Variants in ASXL1 observed in about 807,000 individuals in gnomAD.
The protein encoded by ASXL1 is ASXL transcriptional regulator 1, also known as polycomb group protein ASXL1.
In ASXL1, 65 loss-of-function variants were observed where a neutral mutation model predicts 89.1. That is an observed-to-expected ratio of 0.73 (90% confidence interval 0.60 to 0.90). ASXL1 has a LOEUF of 0.90. Ranked by LOEUF, ASXL1 falls within the 40% of genes least tolerant of loss-of-function variation. The pLI is 0.00. For missense variants in ASXL1, 1,786 were observed against 1,942.9 expected (o/e 0.92, Z 1.52); for synonymous variants, 739 against 746.9 (o/e 0.99, Z 0.17).
At chr20:32,365,737 T>G (rs1049499813) in intron 1 of ASXL1, among the ~76,000 whole-genome samples, 2 of 152,222 alleles carry the variant, frequency 1.3e-5, no homozygotes, top group African/African-American at 2.4e-5. Flanking sequence ...ATATTCTGTT[T>G]CTCATTGCAC....
intron 4 of ASXL1, among the ~76,000 whole-genome samples, chr20:32,402,561 T>C (rs2123061914): frequency 6.6e-6 from 1 of 152,376 alleles, no homozygotes; most frequent in Middle Eastern, 3.4e-3. Context: ...GGTGGTAGTT[T>C]TTCATTCCCA....
chr20:32,426,378 A>ATTTTATCTTAG (rs2011286844), intron 4 of ASXL1, among the ~76,000 whole-genome samples: 1 of 151,966 alleles, frequency 6.6e-6, no homozygotes, highest in African/African-American at 2.4e-5. Flanking sequence ...ATTAAGGAGT[A>ATTTTATCTTAG]TTTTATCTTA....
rs1600584825 is a variant in ASXL1, at chr20:32,434,182, T to C, written c.1720-250T>C. The C allele has an allele frequency of 1.3e-5, 9 of 697,764 alleles. No individual in the cohort carries two copies. The East Asian group carries it at 2.5e-4, about 19-fold the overall frequency. 43.2% of individuals were successfully genotyped at this position (697,764 alleles called of 1,614,324 possible). Reference sequence around the variant, plus strand: ...CTTTTTAAGATAGCATTAGATTCTTTGCTATAGTGACTCACACAGTCCCAC... The same window carrying C: ...CTTTTTAAGATAGCATTAGATTCTTCGCTATAGTGACTCACACAGTCCCAC... On this transcript the variant is annotated intron_variant, in intron 12 of 12. Coordinates refer to ENST00000375687, the MANE Select transcript of ASXL1 (RefSeq NM_015338.6).
At chr20:32,375,185 G>T (rs1355941528) in intron 4 of ASXL1, among the ~76,000 whole-genome samples, 3 of 152,084 alleles carry the variant, frequency 2.0e-5, no homozygotes, top group African/African-American at 7.2e-5. Flanking sequence ...CAAAGACATA[G>T]CCCGGCGCAG....
In ASXL1 at chr20:32,431,366, C is replaced by T; in HGVS notation, c.764C>T (p.Pro255Leu). 1 of 1,614,126 alleles carries T rather than the reference C, an allele frequency of 6.2e-7. No individual in the cohort carries two copies. Among genetic ancestry groups the T allele is most frequent in the Non-Finnish European group, 8.5e-7 (1 of 1,180,028 alleles). The part of the protein sequence containing the change: ...NRGEEIDFET[P>L]GSILVNTNLR... ...GGGGAAGAAATAGATTTTGAGACAC[C>T]TGGGTCCATTCTTGTCAACACCAAC... Residue 255 changes from proline (P) to leucine (L), a missense_variant, in exon 9 of 13, where the codon CCT (proline) becomes CTT (leucine). Transcript: ENST00000375687.
Position 32,395,154 on chromosome 20 carries a change from T to C in ASXL1, c.252+26031T>C, listed in dbSNP as rs2048740505. Among the ~76,000 whole-genome samples, 5 of 152,270 alleles carry C rather than the reference T, an allele frequency of 3.3e-5. No homozygotes were observed. The South Asian group carries it at 1.0e-3, about 32-fold the overall frequency. ...TTTTTCTCGTCAGTTCAGATTTTCT[T>C]TCTGCCAGAGGACTTCCTTTAATGT... On this transcript the variant is annotated intron_variant, in intron 4 of 12. Coordinates refer to ENST00000375687, the MANE Select transcript of ASXL1 (RefSeq NM_015338.6).
At chr20:32,424,620 C>G (rs1359963655) in intron 4 of ASXL1, among the ~76,000 whole-genome samples, 1 of 152,178 alleles carries the variant, frequency 6.6e-6, no homozygotes, top group Non-Finnish European at 1.5e-5. Flanking sequence ...TCTATGCAAA[C>G]ACATTCAAAT....
chr20:32,436,389 T>A lies in ASXL1; in HGVS notation c.3677T>A (p.Leu1226Gln), dbSNP rs564721149. The A allele has an allele frequency of 1.7e-4, 278 of 1,613,618 alleles. No individual in the cohort carries two copies. Among genetic ancestry groups the A allele is most frequent in the Non-Finnish European group, 2.3e-4 (271 of 1,180,042 alleles). ...AATCCCATTACATCCTCTAGGAAAC[T>A]GGAAGAAATGGATTCCAAAGAGCAG... The part of the protein sequence containing the change: ...VTNPITSSRK[L>Q]EEMDSKEQFS... The change falls in exon 13 of 13, where the codon CTG becomes CAG. Residue 1226 changes from leucine (L) to glutamine (Q), a missense_variant. Physicochemically the swap from Leu to Gln is moderately radical, Grantham distance 113. Around this residue, in one of 3 missense-constraint regions of ASXL1, gnomAD observed 1,418 missense variants for 1,427.8 expected, o/e 0.99. Transcript: ENST00000375687.
chr20:32,369,209 C>T, intron 4 of ASXL1, 86 bp downstream of exon 4: 1 of 1,284,828 alleles, frequency 7.8e-7, no homozygotes, highest in Non-Finnish European at 1.1e-6. Flanking sequence ...GGAATAGGGG[C>T]CATGAATTTG....
intron 4 of ASXL1, among the ~76,000 whole-genome samples, chr20:32,391,552 A>G (rs897237876): frequency 6.6e-6 from 1 of 152,140 alleles, no homozygotes; most frequent in African/African-American, 2.4e-5. Flanking sequence ...TGGCAAGATT[A>G]TATTATAGCT....
chr20:32,366,649 C>T (rs2048209525), intron 2 of ASXL1, 183 bp downstream of exon 2: 1 of 848,700 alleles, frequency 1.2e-6, no homozygotes, highest in Non-Finnish European at 1.4e-6. Flanking sequence ...GGGTGAACAT[C>T]CATTTGTTTT....
Position 32,437,360 on chromosome 20 carries a change from A to T in ASXL1, c.*22A>T. The T allele has an allele frequency of 1.9e-6, 3 of 1,608,648 alleles. No individual in the cohort carries two copies. The highest frequency in any genetic ancestry group is 2.6e-6 in the Non-Finnish European group (3 of 1,175,332). Reference sequence around the variant, plus strand: ...ATAATAAATTATGGCCATGGGAAACATTGTATATTTAGTGTGTGTATTTTG... The same window carrying T: ...ATAATAAATTATGGCCATGGGAAACTTTGTATATTTAGTGTGTGTATTTTG... On this transcript the variant is annotated 3_prime_UTR_variant, in exon 13 of 13. Coordinates refer to ENST00000375687, the MANE Select transcript of ASXL1 (RefSeq NM_015338.6).
chr20:32,367,575 G>C (rs574017481), intron 2 of ASXL1, 152 bp from the exon 3 acceptor site: 1 of 668,864 alleles, frequency 1.5e-6, no homozygotes, highest in African/African-American at 1.8e-5. Context: ...TTGATGTTTT[G>C]TGGGGAGGGA....
intron 4 of ASXL1, among the ~76,000 whole-genome samples, chr20:32,393,922 C>T (rs2048716155): frequency 6.6e-6 from 1 of 151,680 alleles, no homozygotes; most frequent in Non-Finnish European, 1.5e-5. Flanking sequence ...CCTTTGCCTC[C>T]TGGGTTCAAG....
chr20:32,358,794 A>G lies in ASXL1; in HGVS notation c.19A>G (p.Lys7Glu). 1 of 1,482,682 alleles carries G rather than the reference A, an allele frequency of 6.7e-7. No homozygotes were observed. Among genetic ancestry groups the G allele is most frequent in the Non-Finnish European group, 9.0e-7 (1 of 1,111,372 alleles). 91.8% of individuals were successfully genotyped at this position (1,482,682 alleles called of 1,614,324 possible). ...GAGAAGGATGAAGGACAAACAGAAG[A>G]AGAAGAAGGAGCGCACGTGGGCCGA... MKDKQKKKKERTWAEAA... is the reference protein window; with the variant it reads MKDKQKEKKERTWAEAA... Residue 7 changes from lysine to glutamate, a missense_variant, in exon 1 of 13, where the codon AAG becomes GAG. Physicochemically the swap from Lys to Glu is moderately conservative, Grantham distance 56. Transcript: ENST00000375687.
chr20:32,376,436 G>A (rs138781996), intron 4 of ASXL1, among the ~76,000 whole-genome samples: 2,183 of 150,994 alleles, frequency 0.014, 19 homozygotes, highest in Non-Finnish European at 0.022. Flanking sequence ...CACCACACCC[G>A]ACTAATTTTT....
At position 32,434,723 on chromosome 20, in the gene ASXL1, GCCTGTGGCCAC is replaced by G; in HGVS notation, c.2016_2026del (p.Cys672Ter). 1 of 1,611,540 alleles carries G rather than the reference GCCTGTGGCCAC, an allele frequency of 6.2e-7. No individual in the cohort carries two copies. The highest frequency in any genetic ancestry group is 8.5e-7 in the Non-Finnish European group (1 of 1,179,280). The stretch of plus-strand genomic sequence containing the variant: ...CAGCAGCAGTGGTGATGGTGGTGAG[GCCTGTGGCCAC>G]CCTGAGCCCAGGGGAGGCCCGAGCA... On this transcript the variant is annotated frameshift_variant, in exon 13 of 13. Transcript: ENST00000375687. LOFTEE classifies it low-confidence loss of function (END_TRUNC).
At position 32,431,699 on chromosome 20, in the gene ASXL1, T is replaced by C. The variant is rs758305489; in HGVS notation, c.979+20T>C. The stretch of plus-strand genomic sequence containing the variant: ...CTGATGGTATGTAGACTTGGTCATC[T>C]CGGACGGCTTGCGACGCACCTGTCG... On this transcript the variant is annotated intron_variant, in intron 10 of 12. Transcript: ENST00000375687. The C allele has an allele frequency of 6.2e-7, 1 of 1,610,618 alleles. No individual in the cohort carries two copies. Among genetic ancestry groups the C allele is most frequent in the Non-Finnish European group, 8.5e-7 (1 of 1,179,186 alleles).
chr20:32,401,615 G>T (rs1312707587), intron 4 of ASXL1, among the ~76,000 whole-genome samples: 1 of 150,174 alleles, frequency 6.7e-6, no homozygotes, highest in African/African-American at 2.5e-5. Flanking sequence ...GGGTGCAGTG[G>T]TGTGATCTTG....
Sources: gnomAD v4.1 joint callset for allele counts (sites outside exome capture counted in the v4.1 genomes callset) on GRCh38, gnomAD v4.1.1 for gene constraint, gnomAD v4.1.1 regional missense constraint, MANE v1.5 for transcripts, NCBI Gene and HGNC (gene_info 2026-07-23, HGNC 2026-07-21) for gene names.